Variants in ABCB4 observed in about 807,000 individuals in gnomAD.
ABCB4 encodes the protein ATP binding cassette subfamily B member 4.
Under a neutral mutation model 145.7 loss-of-function variants are expected in ABCB4, and 76 were observed. The ratio of observed to expected loss-of-function variants is 0.52; its 90% CI spans 0.43 to 0.63. The LOEUF is 0.63. ABCB4 is among the 30% of genes least tolerant of loss of function. The pLI is 0.00. For missense variants in ABCB4, 1,234 were observed against 1,553.1 expected (o/e 0.79, Z 3.45); for synonymous variants, 517 against 566.8 (o/e 0.91, Z 1.25).
At chr7:87,430,732 G>A (rs1167955422) in intron 15 of ABCB4, among the ~76,000 whole-genome samples, 1 of 152,104 alleles carries the variant, frequency 6.6e-6, no homozygotes, top group Non-Finnish European at 1.5e-5. Context: ...TCACAATGTT[G>A]GCCAGGCTCG....
the ABCB4 span, among the ~76,000 whole-genome samples, chr7:87,389,862 T>C: frequency 1.3e-5 from 2 of 152,224 alleles, no homozygotes; most frequent in Non-Finnish European, 2.9e-5. Context: ...TGCCAGAAAC[T>C]AGCTCATCAT....
At chr7:87,393,744 G>A in the ABCB4 span, among the ~76,000 whole-genome samples, 1 of 152,112 alleles carries the variant, frequency 6.6e-6, no homozygotes, top group Non-Finnish European at 1.5e-5. Flanking sequence ...CAGGCTTGGA[G>A]GCACTTCAGA....
chr7:87,443,237 A>T, intron 12 of ABCB4, 82 bp downstream of exon 12: 1 of 1,583,262 alleles, frequency 6.3e-7, no homozygotes, highest in Non-Finnish European at 8.7e-7. Flanking sequence ...TTCACACGCA[A>T]ATTTGTTACT....
At chr7:87,382,139 T>G in the ABCB4 span, 243 of 1,613,594 alleles carry the variant, frequency 1.5e-4, no homozygotes, top group Admixed American at 1.9e-3. Flanking sequence ...ATGAGAAAGT[T>G]TTAAATGACA....
chr7:87,429,831 T>C (rs1205859909), intron 15 of ABCB4, among the ~76,000 whole-genome samples: 2 of 151,946 alleles, frequency 1.3e-5, no homozygotes, highest in Non-Finnish European at 2.9e-5. Context: ...GTCATTTCAT[T>C]TGGTATTTTC....
intron 8 of ABCB4, 75 bp from the exon 9 acceptor site, chr7:87,447,280 T>A: frequency 7.0e-7 from 1 of 1,432,440 alleles, no homozygotes; most frequent in Non-Finnish European, 9.7e-7. Flanking sequence ...TCGGCTCCTA[T>A]ATAGTTGGAG....
chr7:87,464,973 G>A (rs1812755601), intron 3 of ABCB4, among the ~76,000 whole-genome samples: 1 of 152,166 alleles, frequency 6.6e-6, no homozygotes, highest in Non-Finnish European at 1.5e-5. Context: ...GGTGATTTCT[G>A]CATTTCCTAC....
chr7:87,440,419 T>A lies in ABCB4; in HGVS notation c.1357-17A>T, dbSNP rs201173706. ...AATGTTAATCTGAAAGAAAGAAATA[T>A]TTCCTATTAAGTATTTAACCATTTA... On this transcript the variant is annotated splice_polypyrimidine_tract_variant and intron_variant, in intron 12 of 27. Coordinates refer to ENST00000649586, the MANE Select transcript of ABCB4 (RefSeq NM_000443.4). 1 of 1,606,664 alleles carries A rather than the reference T, an allele frequency of 6.2e-7. No individual in the cohort carries two copies. The highest frequency in any genetic ancestry group is 1.7e-5 in the Admixed American group (1 of 59,992).
chr7:87,380,804 T>C, the ABCB4 span, among the ~76,000 whole-genome samples: 1 of 152,234 alleles, frequency 6.6e-6, no homozygotes, highest in Admixed American at 6.5e-5. Context: ...TTGTCTTAAA[T>C]GAAACAATAT....
At chr7:87,472,568 C>T (rs2058960661) in intron 3 of ABCB4, 53 bp downstream of exon 3, 3 of 1,455,092 alleles carry the variant, frequency 2.1e-6, no homozygotes, top group Admixed American at 3.4e-5. Context: ...GATTCAATAC[C>T]TCAAATTTGA....
intron 15 of ABCB4, among the ~76,000 whole-genome samples, chr7:87,430,000 T>C (rs1381591054): frequency 1.3e-5 from 2 of 152,130 alleles, no homozygotes; most frequent in Non-Finnish European, 2.9e-5. Context: ...GTAGGTTGTT[T>C]TTAGTACACA....
At chr7:87,447,273 G>GA in intron 8 of ABCB4, 68 bp from the exon 9 acceptor site, 1 of 1,480,150 alleles carries the variant, frequency 6.8e-7, no homozygotes, top group Non-Finnish European at 9.3e-7. Flanking sequence ...GTCACACTCG[G>GA]CTCCTATATA....
chr7:87,426,989 GGA>G, intron 15 of ABCB4, 69 bp from the exon 16 acceptor site: 1 of 1,248,556 alleles, frequency 8.0e-7, no homozygotes, highest in Non-Finnish European at 1.1e-6. Flanking sequence ...GTCTCCAAAT[GGA>G]TGTAACCTCC....
the ABCB4 span, chr7:87,382,184 A>G: frequency 6.3e-7 from 1 of 1,590,078 alleles, no homozygotes; most frequent in African/African-American, 1.4e-5. Context: ...TCAGGGAGGT[A>G]TATTTTTCAC....
At chr7:87,431,921 C>T (rs1810267523) in intron 14 of ABCB4, among the ~76,000 whole-genome samples, 1 of 152,162 alleles carries the variant, frequency 6.6e-6, no homozygotes, top group African/African-American at 2.4e-5. Context: ...GAGACATCAC[C>T]AGAAATATTT....
chr7:87,431,311 G>A (rs1810203918), intron 15 of ABCB4, 93 bp downstream of exon 15: 3 of 1,507,028 alleles, frequency 2.0e-6, no homozygotes, highest in African/African-American at 1.4e-5. Flanking sequence ...GTTTCTTCTT[G>A]CTCAGTATAG....
the ABCB4 span, chr7:87,381,799 G>A: frequency 3.1e-6 from 2 of 647,160 alleles, no homozygotes; most frequent in African/African-American, 3.7e-5. Context: ...GGCATTTGAA[G>A]ACTCTATGCT....
chr7:87,430,505 C>G (rs1473530160), intron 15 of ABCB4, among the ~76,000 whole-genome samples: 1 of 152,038 alleles, frequency 6.6e-6, no homozygotes, highest in Admixed American at 6.6e-5. Flanking sequence ...GTTTTAGGAA[C>G]TAGAATGAAT....
the ABCB4 span, among the ~76,000 whole-genome samples, chr7:87,393,974 A>G: frequency 1.2e-4 from 19 of 152,332 alleles, no homozygotes; most frequent in Middle Eastern, 3.4e-3. Flanking sequence ...CATAAAATAT[A>G]TACAGATACT....
Sources: gnomAD v4.1 joint callset for allele counts (sites outside exome capture counted in the v4.1 genomes callset) on GRCh38, gnomAD v4.1.1 for gene constraint, MANE v1.5 for transcripts, NCBI Gene and HGNC (gene_info 2026-07-23, HGNC 2026-07-21) for gene names.